Variants in ANO2 observed in about 807,000 individuals in gnomAD.
The protein encoded by ANO2 is anoctamin 2.
A neutral mutation model predicts 124.2 loss-of-function variants in ANO2; 101 were observed. That is an observed-to-expected ratio of 0.81 (90% CI 0.69 to 0.96). The LOEUF (loss-of-function observed/expected upper bound fraction) is 0.96, where lower values mean the gene tolerates loss of function less well. Ranked by LOEUF, ANO2 falls within the 40% of genes least tolerant of loss-of-function variation. The pLI, the probability that ANO2 is intolerant of heterozygous loss-of-function variation, is 0.00. For missense variants in ANO2, 1,293 were observed against 1,274.5 expected, an observed-to-expected ratio of 1.01 and a Z score of -0.22; for synonymous variants, 486 against 482.5, an observed-to-expected ratio of 1.01 and a Z score of -0.09.
chr12:5,851,352 G>A (rs1387098246), intron 4 of ANO2, among the ~76,000 whole-genome samples: 1 of 152,182 alleles, frequency 6.6e-6, no homozygotes, highest in East Asian at 1.9e-4. Flanking sequence ...GGGAAGCCAA[G>A]TCTGGGAGTG....
At chr12:5,701,508 C>T (rs1256946347) in intron 14 of ANO2, among the ~76,000 whole-genome samples, 1 of 152,128 alleles carries the variant, frequency 6.6e-6, no homozygotes, top group Non-Finnish European at 1.5e-5. Context: ...CTGTCCCCTC[C>T]TTCATTCAAG....
At chr12:5,657,633 A>G (rs1312212065) in intron 14 of ANO2, among the ~76,000 whole-genome samples, 3 of 152,068 alleles carry the variant, frequency 2.0e-5, no homozygotes, top group East Asian at 1.9e-4. Context: ...TCCTGGGCTC[A>G]GGGAGGAGGT....
chr12:5,616,200 T>C (rs1042724120), intron 16 of ANO2, among the ~76,000 whole-genome samples: 6 of 152,128 alleles, frequency 3.9e-5, no homozygotes, highest in East Asian at 1.9e-4. Context: ...ATAAACTGAG[T>C]GTTCAAGAAA....
intron 14 of ANO2, among the ~76,000 whole-genome samples, chr12:5,682,084 G>T (rs1948516539): frequency 6.6e-6 from 1 of 152,142 alleles, no homozygotes; most frequent in Non-Finnish European, 1.5e-5. Context: ...TGAATGCATA[G>T]AGATCCATGT....
chr12:5,810,983 C>T (rs1953370362), intron 7 of ANO2, among the ~76,000 whole-genome samples: 1 of 152,200 alleles, frequency 6.6e-6, no homozygotes, highest in Non-Finnish European at 1.5e-5. Context: ...CATTAAGCTT[C>T]ATAGACATAT....
chr12:5,655,856 A>G (rs1255926053), intron 14 of ANO2, among the ~76,000 whole-genome samples: 1 of 152,226 alleles, frequency 6.6e-6, no homozygotes, highest in Non-Finnish European at 1.5e-5. Context: ...TCATCTAAAA[A>G]ATACATGGAC....
chr12:5,618,349 G>A (rs376472926), intron 16 of ANO2, among the ~76,000 whole-genome samples: 7 of 152,244 alleles, frequency 4.6e-5, no homozygotes, highest in East Asian at 1.9e-4. Flanking sequence ...ATGGGAGGTG[G>A]GTGCTGCACA....
At chr12:5,865,987 T>C (rs1327715740) in intron 3 of ANO2, among the ~76,000 whole-genome samples, 1 of 152,226 alleles carries the variant, frequency 6.6e-6, no homozygotes, top group Non-Finnish European at 1.5e-5. Context: ...GTTGCCAAGT[T>C]TTGCTCTGAG....
intron 3 of ANO2, among the ~76,000 whole-genome samples, chr12:5,905,021 C>A (rs143481051): frequency 4.5e-4 from 68 of 152,312 alleles, no homozygotes; most frequent in African/African-American, 1.6e-3. Context: ...CTCTAGGACT[C>A]CCCTTTCCCC....
At position 5,635,994 on chromosome 12, in the gene ANO2, C is replaced by G. The variant is rs1298063696; in HGVS notation, c.1621-647G>C. On this transcript the variant is annotated intron_variant, in intron 15 of 24. Transcript: ENST00000682330. The surrounding 1 kb of genome is among the most constrained non-coding windows in gnomAD (Gnocchi z 5.2). The stretch of plus-strand genomic sequence containing the variant: ...TCAAAGGAGAAAAGAGGGAATACAT[C>G]AGGAGTGAGATTTTAGGAATCTCAG... Among the ~76,000 whole-genome samples the G allele has an allele frequency of 2.0e-5, 3 of 152,074 alleles. No individual in the cohort carries two copies. The highest frequency in any genetic ancestry group is 1.5e-5 in the Non-Finnish European group (1 of 68,014).
chr12:5,638,689 C>G (rs1414839056), intron 15 of ANO2, among the ~76,000 whole-genome samples: 1 of 152,016 alleles, frequency 6.6e-6, no homozygotes, highest in Non-Finnish European at 1.5e-5. Context: ...CCTTAAGCCA[C>G]TTCACAGCAG....
At chr12:5,695,446 A>G (rs924904860) in intron 14 of ANO2, among the ~76,000 whole-genome samples, 2 of 152,204 alleles carry the variant, frequency 1.3e-5, no homozygotes, top group Non-Finnish European at 2.9e-5. Flanking sequence ...TCAACATCAT[A>G]CATGCCACAT....
At chr12:5,650,890 A>G (rs1217841929) in intron 14 of ANO2, among the ~76,000 whole-genome samples, 3 of 152,246 alleles carry the variant, frequency 2.0e-5, no homozygotes, top group Non-Finnish European at 4.4e-5. Flanking sequence ...ATTGCCATGC[A>G]TTTAAAATTA....
intron 16 of ANO2, among the ~76,000 whole-genome samples, chr12:5,616,507 A>G (rs947290331): frequency 1.3e-5 from 2 of 152,216 alleles, no homozygotes; most frequent in Non-Finnish European, 2.9e-5. Context: ...CTTATAGCAC[A>G]GGGCCACAGT....
intron 24 of ANO2, 133 bp from the exon 25 acceptor site, chr12:5,563,701 A>G (rs1941584013): frequency 2.5e-6 from 3 of 1,189,816 alleles, no homozygotes; most frequent in Non-Finnish European, 3.6e-6. Flanking sequence ...ACCAGTGAGC[A>G]TAACTCTACC....
chr12:5,771,277 G>A (rs944932258), intron 10 of ANO2, among the ~76,000 whole-genome samples: 20 of 152,212 alleles, frequency 1.3e-4, no homozygotes, highest in Non-Finnish European at 2.8e-4. Context: ...ACAGCTCAGA[G>A]AGATTGAGTA....
Position 5,563,458 on chromosome 12 carries a change from C to T in ANO2, c.2838G>A (p.Leu946=). The change falls in exon 25 of 25, where the codon CTG becomes CTA. Residue 946 remains leucine (L), a synonymous_variant. Coordinates refer to ENST00000682330, the MANE Select transcript of ANO2 (RefSeq NM_001364791.2). ...KEKSLLVDFF[L]KEEHEKLKLM... is the part of the protein sequence containing the mutation. ...GCTTGAGCTTCTCATGCTCCTCTTT[C>T]AGGAAGAAATCCACTAATAAGCTCT... The T allele has an allele frequency of 1.2e-6, 2 of 1,613,908 alleles. No homozygotes were observed. Among genetic ancestry groups the T allele is most frequent in the Non-Finnish European group, 1.7e-6 (2 of 1,179,872 alleles).
intron 20 of ANO2, chr12:5,584,137 C>CG (rs1555088574): frequency 4.8e-5 from 8 of 165,266 alleles, no homozygotes; most frequent in African/African-American, 1.6e-4. Context: ...GAACACCCCC[C>CG]CCCCGCCGCA....
At chr12:5,873,474 C>A (rs1188640602) in intron 3 of ANO2, among the ~76,000 whole-genome samples, 1 of 152,202 alleles carries the variant, frequency 6.6e-6, no homozygotes, top group African/African-American at 2.4e-5. Flanking sequence ...CCGTCCACAT[C>A]CCCAACCCGT....
Sources: gnomAD v4.1 joint callset for allele counts (sites outside exome capture counted in the v4.1 genomes callset) on GRCh38, gnomAD v4.1.1 for gene constraint, Gnocchi (gnomAD v3.1) non-coding constraint, MANE v1.5 for transcripts, NCBI Gene and HGNC (gene_info 2026-07-23, HGNC 2026-07-21) for gene names.